Variants in LYPD6B observed in about 807,000 individuals in gnomAD.
The protein encoded by LYPD6B is LY6/PLAUR domain containing 6B, also known as ly6/PLAUR domain-containing protein 6B.
Under a neutral mutation model 22.8 loss-of-function variants are expected in LYPD6B, and 17 were observed. The ratio of observed to expected loss-of-function variants is 0.75; its 90% CI spans 0.51 to 1.12. LYPD6B has a LOEUF of 1.12. Ranked by LOEUF, LYPD6B falls within the 50% of genes most tolerant of loss-of-function variation. The probability of loss-of-function intolerance (pLI) is 0.00; values close to 1 mark genes in which losing one functional copy is unlikely to be tolerated. For missense variants in LYPD6B, 221 were observed against 258.3 expected, an observed-to-expected ratio of 0.86 and a Z score of 0.99; for synonymous variants, 106 against 91.6, an observed-to-expected ratio of 1.16 and a Z score of -0.90.
At chr2:149,144,427 T>C (rs949222834) in intron 2 of LYPD6B, among the ~76,000 whole-genome samples, 1 of 152,174 alleles carries the variant, frequency 6.6e-6, no homozygotes, top group Non-Finnish European at 1.5e-5. Flanking sequence ...AGTCTCCCCC[T>C]GTCACCCAGG....
At chr2:149,152,156 G>A (rs142907157) in intron 2 of LYPD6B, among the ~76,000 whole-genome samples, 22 of 152,136 alleles carry the variant, frequency 1.4e-4, no homozygotes, top group African/African-American at 5.1e-4. Flanking sequence ...AGAATATTAT[G>A]GTATAGGTCA....
chr2:149,139,531 G>C (rs1277783465), intron 2 of LYPD6B, among the ~76,000 whole-genome samples: 1 of 152,116 alleles, frequency 6.6e-6, no homozygotes, highest in Admixed American at 6.6e-5. Flanking sequence ...TAGGGTCGGC[G>C]GTGACAGATG....
At position 149,214,600 on chromosome 2, in the gene LYPD6B, C is replaced by T. The variant is rs759866478; in HGVS notation, c.514C>T (p.His172Tyr). 8.7e-6 allele frequency: 14 copies of T among 1,613,850 alleles called. No individual in the cohort carries two copies. The highest frequency in any genetic ancestry group is 1.2e-5 in the Non-Finnish European group (14 of 1,179,812). ...CTGCAATGTAGAATTACCCACCAATCACACTAATGCAGTGTTTGCCGTAAT... is the reference window on the plus strand; with the variant it reads ...CTGCAATGTAGAATTACCCACCAATTACACTAATGCAGTGTTTGCCGTAAT... Reference protein sequence around the residue: ...MICNVELPTNHTNAVFAVMHA... With the variant: ...MICNVELPTNYTNAVFAVMHA... Residue 172 changes from histidine to tyrosine, a missense_variant, in exon 7 of 7, where the codon CAC (histidine) becomes TAC (tyrosine). His to Tyr is a moderately conservative substitution (Grantham distance 83). Transcript: ENST00000409642.
intron 3 of LYPD6B, among the ~76,000 whole-genome samples, chr2:149,195,838 C>T (rs1348219942): frequency 6.6e-6 from 1 of 152,132 alleles, no homozygotes; most frequent in South Asian, 2.1e-4. Context: ...ATAAAACTCT[C>T]TGCAATATAG....
chr2:149,176,128 C>T (rs1402655823), intron 3 of LYPD6B, among the ~76,000 whole-genome samples: 1 of 152,142 alleles, frequency 6.6e-6, no homozygotes, highest in African/African-American at 2.4e-5. Flanking sequence ...CCAGCATCAC[C>T]ACAAACATGT....
At chr2:149,205,504 C>T (rs1298599442) in intron 4 of LYPD6B, 100 bp downstream of exon 4, 2 of 1,283,114 alleles carry the variant, frequency 1.6e-6, no homozygotes, top group Non-Finnish European at 1.1e-6. Context: ...TTTCCCAGAA[C>T]ATTTGTTTTA....
chr2:149,211,604 T>C (rs1442555715), intron 5 of LYPD6B, among the ~76,000 whole-genome samples: 2 of 151,708 alleles, frequency 1.3e-5, no homozygotes, highest in African/African-American at 4.8e-5. Context: ...TATCAAAGCA[T>C]CAAGACACTT....
intron 3 of LYPD6B, among the ~76,000 whole-genome samples, chr2:149,189,093 A>G (rs912888841): frequency 6.6e-6 from 1 of 151,584 alleles, no homozygotes; most frequent in Non-Finnish European, 1.5e-5. Context: ...TTCCTATTGG[A>G]GTGGATGGTA....
intron 3 of LYPD6B, chr2:149,187,326 A>G (rs1692179136): frequency 7.9e-7 from 1 of 1,265,100 alleles, no homozygotes; most frequent in Non-Finnish European, 1.0e-6. Context: ...AGTGTATTGC[A>G]TATATTTAAT....
chr2:149,213,475 T>G (rs148705975), intron 6 of LYPD6B, among the ~76,000 whole-genome samples: 10 of 152,366 alleles, frequency 6.6e-5, no homozygotes, highest in African/African-American at 2.2e-4. Context: ...GAAGGGAGTC[T>G]GAAGGATTAG....
In LYPD6B at chr2:149,208,376, T is replaced by G. The variant is rs768588049; in HGVS notation, c.292T>G (p.Cys98Gly). 1 of 1,613,660 alleles carries G rather than the reference T, an allele frequency of 6.2e-7. No homozygotes were observed. Among genetic ancestry groups the G allele is most frequent in the African/African-American group, 1.3e-5 (1 of 74,940 alleles). ...TGAAAACGCAGGGGATAATTATAAC[T>G]GCAATCGATGGGCAGAAGACAAATG... Reference protein sequence around the residue: ...TCENAGDNYNCNRWAEDKWCP... With the variant: ...TCENAGDNYNGNRWAEDKWCP... Residue 98 changes from cysteine to glycine, a missense_variant, in exon 5 of 7, where the codon TGC becomes GGC. Physicochemically the swap from Cys to Gly is radical, Grantham distance 159. Coordinates refer to ENST00000409642, the MANE Select transcript of LYPD6B (RefSeq NM_177964.5).
chr2:149,193,297 C>G (rs1269644456), intron 3 of LYPD6B, among the ~76,000 whole-genome samples: 1 of 152,054 alleles, frequency 6.6e-6, no homozygotes, highest in Non-Finnish European at 1.5e-5. Context: ...TGTTACATGC[C>G]ACTACTTTTA....
chr2:149,153,062 A>C (rs1009614635), intron 2 of LYPD6B, among the ~76,000 whole-genome samples: 1 of 152,176 alleles, frequency 6.6e-6, no homozygotes, highest in Non-Finnish European at 1.5e-5. Context: ...CATGCTGTTA[A>C]ATTTTAAAAG....
chr2:149,110,444 C>G (rs1686702410), intron 1 of LYPD6B, among the ~76,000 whole-genome samples: 1 of 152,002 alleles, frequency 6.6e-6, no homozygotes, highest in Non-Finnish European at 1.5e-5. Context: ...TGTAAATATT[C>G]TTGAACCTTG....
intron 3 of LYPD6B, chr2:149,187,430 G>A (rs939734389): frequency 1.2e-4 from 181 of 1,529,104 alleles, no homozygotes; most frequent in Non-Finnish European, 1.5e-4. Context: ...TTCTAGATGT[G>A]AAAGGCATTG....
chr2:149,043,803 A>G (rs1268001340), intron 1 of LYPD6B, among the ~76,000 whole-genome samples: 1 of 152,096 alleles, frequency 6.6e-6, no homozygotes, highest in Non-Finnish European at 1.5e-5. Flanking sequence ...TAATTTTTGT[A>G]TAAGGGATAA....
chr2:149,209,614 G>A (rs1177067961), intron 5 of LYPD6B, among the ~76,000 whole-genome samples: 1 of 152,090 alleles, frequency 6.6e-6, no homozygotes, highest in Non-Finnish European at 1.5e-5. Context: ...TATAGCAGTG[G>A]CATAGCTTTA....
rs117041159 is a variant in LYPD6B at position 149,214,371 on chromosome 2, A to T, written c.460-175A>T. Reference sequence around the variant, plus strand: ...CAGCATGGTTTTTCCCTTCCATTCTATTGGCATTGGTGGGGGAAGGGTACC... The same window carrying T: ...CAGCATGGTTTTTCCCTTCCATTCTTTTGGCATTGGTGGGGGAAGGGTACC... On this transcript the variant is annotated intron_variant, in intron 6 of 6. Coordinates refer to ENST00000409642, the MANE Select transcript of LYPD6B (RefSeq NM_177964.5). 2.6e-5 allele frequency among the ~76,000 whole-genome samples: 4 copies of T among 152,214 alleles called. No homozygotes were observed. In the East Asian group the frequency reaches 7.7e-4, roughly 29 times the overall value.
At chr2:149,132,268 A>G (rs1244632815) in intron 2 of LYPD6B, among the ~76,000 whole-genome samples, 1 of 150,338 alleles carries the variant, frequency 6.7e-6, no homozygotes, top group Non-Finnish European at 1.5e-5. Flanking sequence ...TAGAAGCAGC[A>G]TTCTAGATGG....
Sources: gnomAD v4.1 joint callset for allele counts (sites outside exome capture counted in the v4.1 genomes callset) on GRCh38, gnomAD v4.1.1 for gene constraint, MANE v1.5 for transcripts, NCBI Gene and HGNC (gene_info 2026-07-23, HGNC 2026-07-21) for gene names.